PON2: variants seen among roughly 807,000 people sequenced by gnomAD.
PON2 encodes the protein serum paraoxonase/arylesterase 2.
Under a neutral mutation model 36.6 loss-of-function variants are expected in PON2, and 27 were observed. The ratio of observed to expected loss-of-function variants is 0.74; its 90% CI spans 0.54 to 1.02. The LOEUF (loss-of-function observed/expected upper bound fraction) is 1.02, where lower values mean the gene tolerates loss of function less well. PON2 is among the 50% of genes least tolerant of loss of function. The probability of loss-of-function intolerance (pLI) is 0.00; values close to 1 mark genes in which losing one functional copy is unlikely to be tolerated. For missense variants in PON2, 363 were observed against 421.1 expected, an observed-to-expected ratio of 0.86 and a Z score of 1.21; for synonymous variants, 149 against 156.3, an observed-to-expected ratio of 0.95 and a Z score of 0.35.
rs557607179 is a variant in PON2 at position 95,431,852 on chromosome 7, A to T, written c.74+3026T>A. 1.4e-4 allele frequency among the ~76,000 whole-genome samples: 22 copies of T among 152,158 alleles called. No homozygotes were observed. In the South Asian group the frequency reaches 1.5e-3, roughly 10 times the overall value. ...AAACAATGAATGATATTTTAGTATA[A>T]TTATGTCCCAAATTCCACGCTTAAT... On this transcript the variant is annotated intron_variant, in intron 1 of 8. Transcript: ENST00000222572.
At chr7:95,418,718 C>G (rs559963495) in intron 2 of PON2, among the ~76,000 whole-genome samples, 1 of 152,178 alleles carries the variant, frequency 6.6e-6, no homozygotes, top group African/African-American at 2.4e-5. Flanking sequence ...TTCAATATTG[C>G]ATTCCAGGTG....
intron 1 of PON2, among the ~76,000 whole-genome samples, chr7:95,427,556 GGCAGCCATTCT>G (rs1372762917): frequency 9.9e-5 from 15 of 152,238 alleles, no homozygotes; most frequent in African/African-American, 3.6e-4. Context: ...TTGAGACTGC[GGCAGCCATTCT>G]GCATCCTTGA....
In PON2 at chr7:95,405,452, T is replaced by G; in HGVS notation, c.943A>C (p.Thr315Pro). Residue 315 changes from threonine (T) to proline (P), a missense_variant, in exon 9 of 9, where the codon ACA becomes CCA. Thr to Pro is a conservative substitution (Grantham distance 38). Transcript: ENST00000222572. ...TTGTTGGCATAAACTGTAGTCACTG[T>G]AGGCTTCTCAGATAGAATGTTCTGG... is the stretch of plus-strand genomic sequence containing the variant. ...RIQNILSEKPTVTTVYANNGS... is the reference protein window; with the variant it reads ...RIQNILSEKPPVTTVYANNGS... 6.2e-7 allele frequency: 1 copy of G among 1,613,616 alleles called. No individual in the cohort carries two copies. Among genetic ancestry groups the G allele is most frequent in the Non-Finnish European group, 8.5e-7 (1 of 1,179,560 alleles).
At chr7:95,425,972 A>C (rs1344566990) in intron 1 of PON2, among the ~76,000 whole-genome samples, 1 of 152,134 alleles carries the variant, frequency 6.6e-6, no homozygotes, top group Non-Finnish European at 1.5e-5. Context: ...CGTGTCACAG[A>C]AGTGATTTAA....
At chr7:95,434,572 GT>G (rs1352868566) in intron 1 of PON2, among the ~76,000 whole-genome samples, 1 of 152,230 alleles carries the variant, frequency 6.6e-6, no homozygotes, top group Non-Finnish European at 1.5e-5. Context: ...TGGCCCTTGG[GT>G]AATTGCAAAG....
Position 95,434,960 on chromosome 7 carries a change from A to G in PON2, c.-9T>C. Reference sequence around the variant, plus strand: ...GCCACCAGCCGCCCCATGGCGCGGGAGCCGGGCGCGCTGCCTCGCTCCGGC... The same window carrying G: ...GCCACCAGCCGCCCCATGGCGCGGGGGCCGGGCGCGCTGCCTCGCTCCGGC... On this transcript the variant is annotated 5_prime_UTR_variant, in exon 1 of 9. Coordinates refer to ENST00000222572, the MANE Select transcript of PON2 (RefSeq NM_000305.3). The G allele has an allele frequency of 2.0e-6, 3 of 1,523,824 alleles. No homozygotes were observed. The highest frequency in any genetic ancestry group is 2.6e-6 in the Non-Finnish European group (3 of 1,140,594). 94.4% of individuals were successfully genotyped at this position (1,523,824 alleles called of 1,614,324 possible).
chr7:95,433,527 T>C (rs946920669), intron 1 of PON2, among the ~76,000 whole-genome samples: 1 of 152,162 alleles, frequency 6.6e-6, no homozygotes, highest in Non-Finnish European at 1.5e-5. Context: ...AAAACACAAC[T>C]AGTTATATTA....
chr7:95,411,842 C>A, intron 4 of PON2, 63 bp from the exon 5 acceptor site: 6 of 1,566,458 alleles, frequency 3.8e-6, no homozygotes, highest in Non-Finnish European at 5.3e-6. Context: ...TGGGCAGGCA[C>A]TGACATTTAA....
At chr7:95,427,862 CT>C (rs901211973) in intron 1 of PON2, among the ~76,000 whole-genome samples, 4 of 152,006 alleles carry the variant, frequency 2.6e-5, no homozygotes, top group African/African-American at 9.7e-5. Flanking sequence ...CTATACAAAC[CT>C]TTTTGGATTA....
intron 2 of PON2, among the ~76,000 whole-genome samples, chr7:95,419,612 C>A (rs1789148236): frequency 6.6e-6 from 1 of 152,120 alleles, no homozygotes; most frequent in African/African-American, 2.4e-5. Context: ...GATAACATTG[C>A]CCACCCTTTC....
chr7:95,417,727 C>CACACACACACACACT lies in PON2; in HGVS notation c.146-1431_146-1430insAGTGTGTGTGTGTGT, dbSNP rs1562788872. ...CACACACACACACACACACACACACCGAGAGAGAATTCTAGTCCAGGTTTT... is the reference window on the plus strand; with the variant it reads ...CACACACACACACACACACACACACCACACACACACACACTGAGAGAGAATTCTAGTCCAGGTTTT... On this transcript the variant is annotated intron_variant, in intron 2 of 8. Coordinates refer to ENST00000222572, the MANE Select transcript of PON2 (RefSeq NM_000305.3). 9.6e-4 allele frequency among the ~76,000 whole-genome samples: 77 copies of CACACACACACACACT among 80,264 alleles called. 2 individuals carry two copies. Among genetic ancestry groups the CACACACACACACACT allele is most frequent in the African/African-American group, 3.6e-3 (68 of 18,668 alleles). The allele number at this position is 80,264 out of a possible 152,430, so 52.7% of individuals were successfully genotyped here.
At chr7:95,423,899 G>T (rs17876094) in intron 2 of PON2, among the ~76,000 whole-genome samples, 1 of 152,018 alleles carries the variant, frequency 6.6e-6, no homozygotes, top group East Asian at 1.9e-4. Flanking sequence ...CCGAGCAAAA[G>T]GGGGAAAAGC....
At chr7:95,424,387 T>G in intron 2 of PON2, 128 bp downstream of exon 2, 1 of 758,222 alleles carries the variant, frequency 1.3e-6, no homozygotes, top group East Asian at 2.6e-5. Flanking sequence ...ACCAAAGAGG[T>G]TTTTGTTGAT....
chr7:95,408,775 A>G lies in PON2; in HGVS notation c.695+1126T>C, dbSNP rs1209332005. ...AGATAAGAAAGCTATCAAGAATTTA[A>G]TATCTTCTCTTATAGGTTGTGGTTG... On this transcript the variant is annotated intron_variant, in intron 6 of 8. Transcript: ENST00000222572. Among the ~76,000 whole-genome samples the G allele has an allele frequency of 5.3e-5, 8 of 152,336 alleles. No homozygotes were observed. The East Asian group carries it at 5.8e-4, about 11-fold the overall frequency.
At chr7:95,408,415 C>T (rs889229598) in intron 6 of PON2, among the ~76,000 whole-genome samples, 6 of 152,192 alleles carry the variant, frequency 3.9e-5, no homozygotes, top group African/African-American at 1.4e-4. Flanking sequence ...GTAGAACCAA[C>T]AGGACCTGCC....
In PON2 at chr7:95,407,052, C is replaced by G. The variant is rs1809716791; in HGVS notation, c.712G>C (p.Asp238His). 6.3e-7 allele frequency: 1 copy of G among 1,595,500 alleles called. No individual in the cohort carries two copies. Among genetic ancestry groups the G allele is most frequent in the Admixed American group, 1.7e-5 (1 of 59,862 alleles). Residue 238 changes from aspartate (D) to histidine (H), a missense_variant, in exon 7 of 9, where the codon GAC becomes CAC. By Grantham distance (81) the Asp-to-His change is moderately conservative. Coordinates refer to ENST00000222572, the MANE Select transcript of PON2 (RefSeq NM_000305.3). The stretch of plus-strand genomic sequence containing the variant: ...ACATGAATTTCATGAGCCAATATGT[C>G]AGCAACATAGATATACCTTTGCAGA... ...SPDDKYIYVA[D>H]ILAHEIHVLE...
intron 2 of PON2, among the ~76,000 whole-genome samples, chr7:95,421,695 G>C (rs1365560238): frequency 6.6e-6 from 1 of 152,152 alleles, no homozygotes; most frequent in Non-Finnish European, 1.5e-5. Flanking sequence ...GTCTAGGGGA[G>C]GGGAGGTAGA....
intron 5 of PON2, 21 bp from the exon 6 acceptor site, chr7:95,410,122 G>A (rs199958370): frequency 6.3e-7 from 1 of 1,598,338 alleles, no homozygotes; most frequent in South Asian, 1.1e-5. Flanking sequence ...AAAATAGCAT[G>A]TGAGAGGAAA....
chr7:95,432,491 T>C (rs998377341), intron 1 of PON2, among the ~76,000 whole-genome samples: 2 of 152,148 alleles, frequency 1.3e-5, no homozygotes, highest in African/African-American at 4.8e-5. Flanking sequence ...ATAAGTTTTA[T>C]TTACTTTTTC....
Sources: gnomAD v4.1 joint callset for allele counts (sites outside exome capture counted in the v4.1 genomes callset) on GRCh38, gnomAD v4.1.1 for gene constraint, MANE v1.5 for transcripts, NCBI Gene and HGNC (gene_info 2026-07-23, HGNC 2026-07-21) for gene names.